The following IRAK3 variants were observed in gnomAD, a reference collection of about 807,000 sequenced individuals.
IRAK3 encodes the protein interleukin 1 receptor associated kinase 3.
IRAK3 carries 57 observed loss-of-function variants against 56.6 expected under a neutral mutation model. The ratio of observed to expected loss-of-function variants is 1.01; its 90% CI spans 0.81 to 1.26. The LOEUF (loss-of-function observed/expected upper bound fraction) is 1.26, where lower values mean the gene tolerates loss of function less well. IRAK3 is among the 50% of genes most tolerant of loss of function. The pLI, the probability that IRAK3 is intolerant of heterozygous loss-of-function variation, is 0.00. For synonymous variants in IRAK3, 258 were observed against 255.7 expected (o/e 1.01, Z -0.09); for missense variants, 703 against 719.0 (o/e 0.98, Z 0.25).
chr12:66,241,808 G>A (rs1030231350), intron 8 of IRAK3, among the ~76,000 whole-genome samples: 4 of 152,178 alleles, frequency 2.6e-5, no homozygotes, highest in Non-Finnish European at 5.9e-5. Context: ...GTTTTATGGT[G>A]TAAGCATTGT....
intron 8 of IRAK3, chr12:66,234,141 C>G (rs2052876712): frequency 6.2e-7 from 1 of 1,614,184 alleles, no homozygotes; most frequent in Admixed American, 1.7e-5. Context: ...TGCTGTTGAC[C>G]ACTTGCCTCC....
chr12:66,245,313 A>C, intron 11 of IRAK3, 51 bp downstream of exon 11: 1 of 1,558,644 alleles, frequency 6.4e-7, no homozygotes, highest in Non-Finnish European at 8.8e-7. Flanking sequence ...AACCATGGAA[A>C]ATCTAAACTA....
rs1469638869 is a variant in IRAK3, at chr12:66,247,776, CCTT to C, written c.1399_1401del (p.Ser467del). On this transcript the variant is annotated inframe_deletion, in exon 12 of 12. Transcript: ENST00000261233. ...CACATCACTAAAGTCCTTCAGGTGT[CCTT>C]CTCCTCTATTCCTGGAGAATGTACC... The C allele has an allele frequency of 1.2e-5, 20 of 1,614,180 alleles. No homozygotes were observed. The highest frequency in any genetic ancestry group is 2.7e-5 in the African/African-American group (2 of 75,042).
intron 2 of IRAK3, among the ~76,000 whole-genome samples, chr12:66,206,819 C>T (rs1212901918): frequency 1.3e-5 from 2 of 152,206 alleles, no homozygotes; most frequent in Non-Finnish European, 2.9e-5. Context: ...GTAGAATTCA[C>T]CTGTGAAGCC....
rs556188409 is a variant in IRAK3, at chr12:66,194,616, T to A, written c.133+5184T>A. ...GCTGAGGCGGGTGGATTGCTTGTGG[T>A]CAGGAGTCCGAGACCAGCCTGGACA... On this transcript the variant is annotated intron_variant, in intron 1 of 11. Transcript: ENST00000261233. Among the ~76,000 whole-genome samples, 35 of 152,100 alleles carry A rather than the reference T, an allele frequency of 2.3e-4. No individual in the cohort carries two copies. The South Asian group carries it at 7.1e-3, about 31-fold the overall frequency.
chr12:66,191,671 C>T (rs972381324), intron 1 of IRAK3, among the ~76,000 whole-genome samples: 1 of 152,114 alleles, frequency 6.6e-6, no homozygotes, highest in African/African-American at 2.4e-5. Context: ...GGTGTTGAGG[C>T]AACTGCCTGT....
intron 6 of IRAK3, among the ~76,000 whole-genome samples, chr12:66,220,762 C>T (rs1207977550): frequency 6.6e-5 from 10 of 151,906 alleles, no homozygotes; most frequent in Non-Finnish European, 1.0e-4. Context: ...CCTCGTGATC[C>T]GCCCGCCTCG....
intron 5 of IRAK3, 92 bp downstream of exon 5, chr12:66,211,689 G>A (rs1398594595): frequency 1.8e-6 from 2 of 1,114,974 alleles, no homozygotes; most frequent in African/African-American, 1.6e-5. Flanking sequence ...ACATTGAAAG[G>A]GGTATTTGAA....
At chr12:66,219,114 A>G (rs1408800436) in intron 6 of IRAK3, among the ~76,000 whole-genome samples, 1 of 151,804 alleles carries the variant, frequency 6.6e-6, no homozygotes. Context: ...TGGACATTTA[A>G]GTTGTGTCTA....
chr12:66,190,468 C>G (rs2052388935), intron 1 of IRAK3, among the ~76,000 whole-genome samples: 1 of 152,040 alleles, frequency 6.6e-6, no homozygotes, highest in African/African-American at 2.4e-5. Flanking sequence ...GTCACTTCCC[C>G]ATCAGATCTT....
intron 5 of IRAK3, among the ~76,000 whole-genome samples, chr12:66,214,530 G>C (rs973611175): frequency 3.6e-5 from 3 of 83,586 alleles, no homozygotes; most frequent in Non-Finnish European, 1.0e-4. Context: ...AACAGAGTAA[G>C]ACCCTATCAA....
chr12:66,233,941 A>T, intron 8 of IRAK3: 1 of 1,046,850 alleles, frequency 9.6e-7, no homozygotes, highest in Non-Finnish European at 1.4e-6. Flanking sequence ...TGATTTCGTT[A>T]TAAATAACGT....
In IRAK3 at chr12:66,203,872, A is replaced by G. The variant is rs780513721; in HGVS notation, c.295A>G (p.Ile99Val). 2.5e-6 allele frequency: 4 copies of G among 1,613,688 alleles called. No individual in the cohort carries two copies. Among genetic ancestry groups the G allele is most frequent in the Non-Finnish European group, 3.4e-6 (4 of 1,179,600 alleles). Residue 99 changes from isoleucine to valine, a missense_variant, in exon 2 of 12, where the codon ATT becomes GTT. Transcript: ENST00000261233. ...CCAGGAGATGGGACATCGTCGAGCT[A>G]TTCATTTAATTACAAACTATGGTAA... Reference protein sequence around the residue: ...VLQEMGHRRAIHLITNYGAVL... With the variant: ...VLQEMGHRRAVHLITNYGAVL...
In IRAK3 at chr12:66,253,652, A is replaced by C. The variant is rs889686745; in HGVS notation, c.*5481A>C. Reference sequence around the variant, plus strand: ...TTTACATTGGCTCTTGAATTTTAAAATATTCTTATAGACAAACATTAATTG... The same window carrying C: ...TTTACATTGGCTCTTGAATTTTAAACTATTCTTATAGACAAACATTAATTG... On this transcript the variant is annotated 3_prime_UTR_variant, in exon 12 of 12. Coordinates refer to ENST00000261233, the MANE Select transcript of IRAK3 (RefSeq NM_007199.3). 2 of 152,236 alleles carry C rather than the reference A, an allele frequency of 1.3e-5. No homozygotes were observed. Among genetic ancestry groups the C allele is most frequent in the African/African-American group, 4.8e-5 (2 of 41,474 alleles). 9.4% of individuals were successfully genotyped at this position (152,236 alleles called of 1,614,324 possible).
intron 1 of IRAK3, 21 bp downstream of exon 1, chr12:66,189,453 C>T: frequency 8.8e-7 from 1 of 1,142,724 alleles, no homozygotes; most frequent in Non-Finnish European, 1.1e-6. Flanking sequence ...GGGGACCGGC[C>T]GGGGGCGGCG....
In IRAK3 at chr12:66,251,310, G is replaced by A. The variant is rs1234653700; in HGVS notation, c.*3139G>A. Reference sequence around the variant, plus strand: ...CCTTCTAGTGGGTGTATTAATAAGCGTTAGTTGATATGAATTAAATGTTGC... The same window carrying A: ...CCTTCTAGTGGGTGTATTAATAAGCATTAGTTGATATGAATTAAATGTTGC... On this transcript the variant is annotated 3_prime_UTR_variant, in exon 12 of 12. Transcript: ENST00000261233. The A allele has an allele frequency of 3.9e-5, 6 of 152,268 alleles. No homozygotes were observed. The highest frequency in any genetic ancestry group is 7.2e-5 in the African/African-American group (3 of 41,550). The allele number at this position is 152,268 out of a possible 1,614,324, so 9.4% of individuals were successfully genotyped here.
At chr12:66,213,321 T>G (rs1330376616) in intron 5 of IRAK3, among the ~76,000 whole-genome samples, 3 of 152,146 alleles carry the variant, frequency 2.0e-5, no homozygotes, top group Non-Finnish European at 4.4e-5. Flanking sequence ...TTGTGGGAGC[T>G]ACAATTCAAG....
chr12:66,212,697 A>G (rs899858567), intron 5 of IRAK3, among the ~76,000 whole-genome samples: 1 of 152,224 alleles, frequency 6.6e-6, no homozygotes, highest in African/African-American at 2.4e-5. Context: ...TCTCACAGCC[A>G]TAAAAAAGAA....
At chr12:66,245,728 T>C (rs997074131) in intron 11 of IRAK3, among the ~76,000 whole-genome samples, 3 of 151,820 alleles carry the variant, frequency 2.0e-5, no homozygotes, top group South Asian at 4.2e-4. Flanking sequence ...AGGCGGGGTT[T>C]CACATGTTGG....
Sources: allele counts gnomAD v4.1 joint callset (sites outside exome capture counted in the v4.1 genomes callset), GRCh38; gene constraint gnomAD v4.1.1; transcripts MANE v1.5; gene names NCBI Gene and HGNC (gene_info 2026-07-23, HGNC 2026-07-21).